Variants in OR14A2 observed in about 807,000 individuals in gnomAD.
The protein encoded by OR14A2 is olfactory receptor family 14 subfamily A member 2, also known as olfactory receptor 14A2.
For missense variants in OR14A2, 237 were observed against 152.9 expected (o/e 1.55, Z -2.90); for synonymous variants, 114 against 58.6 (o/e 1.95, Z -4.32).
chr1:247,732,932 G>A, the OR14A2 span, among the ~76,000 whole-genome samples: 1 of 152,108 alleles, frequency 6.6e-6, no homozygotes, highest in Admixed American at 6.6e-5. Flanking sequence ...CCTTTGATCT[G>A]GGAAGGCTCT....
chr1:247,723,315 G>A (rs1203948700), exon 1 of OR14A2: 2 of 717,390 alleles, frequency 2.8e-6, no homozygotes, highest in Admixed American at 4.0e-5. Flanking sequence ...TGAAAACAGT[G>A]AGATGGGGGA....
At chr1:247,737,697 A>G in the OR14A2 span, among the ~76,000 whole-genome samples, 37 of 152,232 alleles carry the variant, frequency 2.4e-4, no homozygotes, top group African/African-American at 8.7e-4. Context: ...AAGTGATACT[A>G]AAGTAAAATC....
exon 1 of OR14A2, chr1:247,723,949 A>G (rs1321716536): frequency 9.8e-6 from 7 of 717,034 alleles, no homozygotes; most frequent in South Asian, 8.9e-5. Flanking sequence ...TGCCAGGTAA[A>G]TCAGTAGGAA....
the OR14A2 span, chr1:247,738,775 A>C: frequency 1.3e-6 from 1 of 780,834 alleles, no homozygotes; most frequent in East Asian, 2.4e-5. Context: ...CATCGTCTCC[A>C]CATGGCAATG....
At chr1:247,737,384 C>G in the OR14A2 span, among the ~76,000 whole-genome samples, 1 of 151,956 alleles carries the variant, frequency 6.6e-6, no homozygotes, top group Non-Finnish European at 1.5e-5. Context: ...TGAAAAGACT[C>G]AAGAGCAAAT....
chr1:247,740,824 C>A, the OR14A2 span, among the ~76,000 whole-genome samples: 1 of 152,272 alleles, frequency 6.6e-6, no homozygotes. Flanking sequence ...TTTGTGTATA[C>A]CACCTCTATT....
chr1:247,739,409 T>C, the OR14A2 span: 4 of 780,722 alleles, frequency 5.1e-6, no homozygotes, highest in South Asian at 1.3e-5. Flanking sequence ...CTGATGCACC[T>C]TCTATTCTAG....
chr1:247,732,860 C>T, the OR14A2 span, among the ~76,000 whole-genome samples: 1 of 152,152 alleles, frequency 6.6e-6, no homozygotes, highest in Non-Finnish European at 1.5e-5. Context: ...TTCTTTCAGA[C>T]TCAGCACGCC....
At chr1:247,739,259 C>G in the OR14A2 span, 1 of 780,778 alleles carries the variant, frequency 1.3e-6, no homozygotes, top group East Asian at 2.4e-5. Flanking sequence ...TTGTAGTTTC[C>G]TATGTGTACA....
the OR14A2 span, among the ~76,000 whole-genome samples, chr1:247,732,202 C>T: frequency 6.6e-6 from 1 of 151,992 alleles, no homozygotes; most frequent in Non-Finnish European, 1.5e-5. Flanking sequence ...TCTCTACACT[C>T]AGGATTTATA....
upstream of OR14A2, among the ~76,000 whole-genome samples, chr1:247,725,689 A>T (rs1308035974): frequency 1.2e-5 from 1 of 80,578 alleles, no homozygotes; most frequent in Non-Finnish European, 2.3e-5. Flanking sequence ...CCCTCCCCCC[A>T]CCCCACCACA....
chr1:247,744,228 C>T, the OR14A2 span, among the ~76,000 whole-genome samples: 2 of 152,104 alleles, frequency 1.3e-5, no homozygotes, highest in African/African-American at 4.8e-5. This position sits in a 1 kb window ranked among gnomAD's most constrained non-coding sequence, Gnocchi z 4.3. Context: ...AGTTTTAGCT[C>T]TTTTCATATA....
the OR14A2 span, among the ~76,000 whole-genome samples, chr1:247,740,214 C>T: frequency 6.6e-6 from 1 of 152,226 alleles, no homozygotes; most frequent in African/African-American, 2.4e-5. Flanking sequence ...CTATCTTTTC[C>T]AGCATTCTCT....
At chr1:247,745,417 C>CT in the OR14A2 span, among the ~76,000 whole-genome samples, 24,108 of 148,728 alleles carry the variant, frequency 0.16, 3,662 homozygotes, top group African/African-American at 0.41. Flanking sequence ...TGTCTTTTGG[C>CT]TTTTTTTTTG....
At chr1:247,742,810 A>G in the OR14A2 span, among the ~76,000 whole-genome samples, 1 of 152,236 alleles carries the variant, frequency 6.6e-6, no homozygotes. Context: ...AAAAAGGGGC[A>G]CAAAAGTTTT....
At chr1:247,743,472 T>A in the OR14A2 span, among the ~76,000 whole-genome samples, 6 of 152,310 alleles carry the variant, frequency 3.9e-5, no homozygotes, top group Non-Finnish European at 7.3e-5. Context: ...TTTCCACCAA[T>A]CATCTGTGAC....
the OR14A2 span, among the ~76,000 whole-genome samples, chr1:247,735,572 T>C: frequency 3.1e-4 from 47 of 152,236 alleles, no homozygotes; most frequent in African/African-American, 1.1e-3. Context: ...AAATAAAATA[T>C]AAGTACAAGT....
At chr1:247,732,632 A>T in the OR14A2 span, among the ~76,000 whole-genome samples, 1 of 152,208 alleles carries the variant, frequency 6.6e-6, no homozygotes, top group Admixed American at 6.5e-5. Context: ...AGTTATGTGC[A>T]AACAAATCCT....
the OR14A2 span, among the ~76,000 whole-genome samples, chr1:247,747,462 T>G: frequency 6.6e-6 from 1 of 151,296 alleles, no homozygotes; most frequent in Non-Finnish European, 1.5e-5. Context: ...CCCAGGTTCA[T>G]GCGATTCTCC....
Sources: allele counts gnomAD v4.1 joint callset (sites outside exome capture counted in the v4.1 genomes callset), GRCh38; gene constraint gnomAD v4.1.1; non-coding constraint Gnocchi (gnomAD v3.1); transcripts MANE v1.5; gene names NCBI Gene and HGNC (gene_info 2026-07-23, HGNC 2026-07-21).